ABCG5: variants seen among roughly 807,000 people sequenced by gnomAD.
ABCG5 encodes the protein ATP binding cassette subfamily G member 5.
A neutral mutation model predicts 64.5 loss-of-function variants in ABCG5; 64 were observed. That is an observed-to-expected ratio of 0.99 (90% CI 0.81 to 1.22). ABCG5 has a LOEUF of 1.22. Among genes scored for constraint, ABCG5 ranks in the 50% most tolerant of loss-of-function variants. The probability of loss-of-function intolerance (pLI) is 0.00; values close to 1 mark genes in which losing one functional copy is unlikely to be tolerated. For synonymous variants in ABCG5, 385 were observed against 326.3 expected (o/e 1.18, Z -1.94); for missense variants, 908 against 829.5 (o/e 1.09, Z -1.16).
At position 43,822,886 on chromosome 2, in the gene ABCG5, G is replaced by C. The variant is rs1558738919; in HGVS notation, c.1374C>G (p.Tyr458Ter). Reference protein sequence around the residue: ...VSDQESQDGLYQKWQMMLAYA... With the variant: ...VSDQESQDGL ...AGGCCAGCATCATCTGCCACTTCTGGTAGAGGCCGTCCTGACTCTCCTGGT... is the reference window on the plus strand; with the variant it reads ...AGGCCAGCATCATCTGCCACTTCTGCTAGAGGCCGTCCTGACTCTCCTGGT... The change falls in exon 10 of 13, where the codon TAC becomes TAG. Residue 458 changes from tyrosine to a stop codon, truncating the protein, a stop_gained. Coordinates refer to ENST00000405322, the MANE Select transcript of ABCG5 (RefSeq NM_022436.3). LOFTEE classifies it high-confidence loss of function. The C allele has an allele frequency of 2.5e-6, 4 of 1,614,006 alleles. No individual in the cohort carries two copies. Among genetic ancestry groups the C allele is most frequent in the Non-Finnish European group, 3.4e-6 (4 of 1,180,018 alleles).
chr2:43,828,889 C>T (rs1053271684), intron 4 of ABCG5, among the ~76,000 whole-genome samples: 2 of 136,828 alleles, frequency 1.5e-5, no homozygotes, highest in African/African-American at 2.6e-5. Flanking sequence ...TGCTTGAACC[C>T]GGGAGGCCAA....
At chr2:43,827,345 G>A (rs4245788) in intron 5 of ABCG5, among the ~76,000 whole-genome samples, 33,784 of 148,690 alleles carry the variant, frequency 0.23, 5,030 homozygotes, top group East Asian at 0.8. Flanking sequence ...AAAAAAAAGT[G>A]ACAAGAGCTG....
chr2:43,821,452 C>T (rs1864814), intron 10 of ABCG5, among the ~76,000 whole-genome samples: 5,485 of 152,236 alleles, frequency 0.036, 125 homozygotes, highest in South Asian at 0.061. Context: ...AAAATGGTTT[C>T]GCTCCCAGGA....
rs1667827328 is a variant in ABCG5 at position 43,829,317 on chromosome 2, CAT to C, written c.502-1204_502-1203del. Among the ~76,000 whole-genome samples, 3 of 152,310 alleles carry C rather than the reference CAT, an allele frequency of 2.0e-5. No homozygotes were observed. In the South Asian group the frequency reaches 6.2e-4, roughly 32 times the overall value. ...TCTCAGTGTGAGTCCACATCAAAGA[CAT>C]ATAATCCAGCCTTCAGAAGTAATTA... On this transcript the variant is annotated intron_variant, in intron 4 of 12. Transcript: ENST00000405322.
Position 43,824,963 on chromosome 2 carries a change from G to A in ABCG5, c.830C>T (p.Pro277Leu). The change falls in exon 7 of 13, where the codon CCA (proline) becomes CTA (leucine). Residue 277 changes from proline (P) to leucine (L), a missense_variant. By Grantham distance (98) the Pro-to-Leu change is moderately conservative (BLOSUM62 -3). Coordinates refer to ENST00000405322, the MANE Select transcript of ABCG5 (RefSeq NM_022436.3). Reference protein sequence around the residue: ...SFGELIFCGTPAEMLDFFNDC... With the variant: ...SFGELIFCGTLAEMLDFFNDC... ...ATTGAAGAAATCAAGCATTTCCGCT[G>A]GCGTGCCACAGAAAATCAGCTCTCC... 6.2e-7 allele frequency: 1 copy of A among 1,614,048 alleles called. No individual in the cohort carries two copies. Among genetic ancestry groups the A allele is most frequent in the African/African-American group, 1.3e-5 (1 of 75,064 alleles).
chr2:43,837,993 G>C (rs1404537467), intron 1 of ABCG5, 38 bp from the exon 2 acceptor site: 1 of 1,612,802 alleles, frequency 6.2e-7, no homozygotes, highest in Non-Finnish European at 8.5e-7. Flanking sequence ...GGCAGCTTGG[G>C]GCCCTGGAAG....
chr2:43,839,228 G>C, upstream of ABCG5: 1 of 1,197,348 alleles, frequency 8.4e-7, no homozygotes, highest in East Asian at 2.6e-5. Flanking sequence ...ACATCAAGCA[G>C]TGTGAGGACA....
chr2:43,816,139 T>C (rs990176878), intron 11 of ABCG5, among the ~76,000 whole-genome samples: 5 of 152,308 alleles, frequency 3.3e-5, no homozygotes, highest in African/African-American at 1.2e-4. Flanking sequence ...CAACATGATT[T>C]GGTGAGTGAT....
At chr2:43,821,374 T>A (rs1371653098) in intron 10 of ABCG5, among the ~76,000 whole-genome samples, 1 of 152,190 alleles carries the variant, frequency 6.6e-6, no homozygotes, top group Admixed American at 6.5e-5. Flanking sequence ...AATTAGCGAA[T>A]CTCAATTCCA....
downstream of ABCG5, among the ~76,000 whole-genome samples, chr2:43,808,669 A>G (rs192322090): frequency 1.3e-4 from 20 of 152,344 alleles, no homozygotes; most frequent in African/African-American, 4.8e-4. Flanking sequence ...TTCAAGAGCT[A>G]TAGATAGATG....
At position 43,838,322 on chromosome 2, in the gene ABCG5, G is replaced by A. The variant is rs1235714480; in HGVS notation, c.143+215C>T. On this transcript the variant is annotated intron_variant, in intron 1 of 12. Transcript: ENST00000405322. This position sits in a 1 kb window ranked among gnomAD's most constrained non-coding sequence, Gnocchi z 4.2. ...AGGGCACTGCTGCCACTTTGTTTAT[G>A]CCCAGGCCCTTCCCTGGGCAGGGGG... The A allele has an allele frequency of 6.5e-6, 4 of 615,644 alleles. No individual in the cohort carries two copies. The highest frequency in any genetic ancestry group is 1.1e-5 in the Non-Finnish European group (4 of 352,186). The allele number at this position is 615,644 out of a possible 1,614,324, so 38.1% of individuals were successfully genotyped here.
chr2:43,819,087 C>T (rs61701484), intron 11 of ABCG5, among the ~76,000 whole-genome samples: 268 of 152,180 alleles, frequency 1.8e-3, no homozygotes, highest in Non-Finnish European at 2.7e-3. Flanking sequence ...CACACATATA[C>T]TTTTATATAG....
intron 2 of ABCG5, among the ~76,000 whole-genome samples, chr2:43,835,394 A>T (rs1337695729): frequency 1.3e-5 from 2 of 152,214 alleles, no homozygotes; most frequent in Admixed American, 1.3e-4. Context: ...GCAACAGGTG[A>T]AAATTTGTTA....
downstream of ABCG5, among the ~76,000 whole-genome samples, chr2:43,812,021 C>G (rs114125808): frequency 8.8e-3 from 1,339 of 152,144 alleles, 24 homozygotes; most frequent in African/African-American, 0.031. Context: ...GTACCCTGTT[C>G]TTTGTAAACA....
At position 43,832,299 on chromosome 2, in the gene ABCG5, G is replaced by A. The variant is rs79319884; in HGVS notation, c.266-216C>T. The A allele has an allele frequency of 7.3e-3, 4,603 of 629,938 alleles. 163 individuals are homozygous for A. The African/African-American group carries it at 0.076, about 10-fold the overall frequency. 39.0% of individuals were successfully genotyped at this position (629,938 alleles called of 1,614,324 possible). A position where few individuals can be genotyped will look rare whatever the true frequency, so the allele number is the denominator to read the frequency against. On this transcript the variant is annotated intron_variant, in intron 2 of 12. Transcript: ENST00000405322. ...TCACGCGCAAGTGAGTCTCTGGATTGTCCCCTGAGTGAGAGGGGACATGCC... is the reference window on the plus strand; with the variant it reads ...TCACGCGCAAGTGAGTCTCTGGATTATCCCCTGAGTGAGAGGGGACATGCC...
Position 43,831,824 on chromosome 2 carries a change from T to C in ABCG5, c.446A>G (p.His149Arg). Residue 149 changes from histidine (H) to arginine (R), a missense_variant, in exon 4 of 13, where the codon CAC becomes CGC. His to Arg is a conservative substitution (Grantham distance 29). Transcript: ENST00000405322. ...GCGGATGGCCAGCAGCGCGGTGTAG[T>C]GCAGCGTCTCGCGCACGGTGAGGCT... ...LSSLTVRETL[H>R]YTALLAIRRG... 1 of 1,587,600 alleles carries C rather than the reference T, an allele frequency of 6.3e-7. No individual in the cohort carries two copies. Among genetic ancestry groups the C allele is most frequent in the Non-Finnish European group, 8.6e-7 (1 of 1,169,480 alleles).
intron 2 of ABCG5, among the ~76,000 whole-genome samples, chr2:43,833,372 T>TTATTATTAG (rs1668067538): frequency 7.5e-6 from 1 of 132,902 alleles, no homozygotes; most frequent in African/African-American, 2.7e-5. Flanking sequence ...AATATTATTA[T>TTATTATTAG]TATTATTATT....
Position 43,822,943 on chromosome 2 carries a change from T to C in ABCG5, c.1325-8A>G, listed in dbSNP as rs1667331562. Reference sequence around the variant, plus strand: ...CAGCTCGCAGCACGGGAACTGGGGATGGAAGGCAGGTTTCAGAACAGTCAG... The same window carrying C: ...CAGCTCGCAGCACGGGAACTGGGGACGGAAGGCAGGTTTCAGAACAGTCAG... On this transcript the variant is annotated splice_polypyrimidine_tract_variant and splice_region_variant and intron_variant, in intron 9 of 12. Transcript: ENST00000405322. The C allele has an allele frequency of 6.2e-7, 1 of 1,613,490 alleles. No individual in the cohort carries two copies. Among genetic ancestry groups the C allele is most frequent in the Non-Finnish European group, 8.5e-7 (1 of 1,179,816 alleles).
rs1418514573 is a variant in ABCG5, at chr2:43,822,419, C to T, written c.1463+378G>A. The T allele has an allele frequency of 4.2e-6, 3 of 708,062 alleles. No individual in the cohort carries two copies. The African/African-American group carries it at 5.9e-5, about 14-fold the overall frequency. 43.9% of individuals were successfully genotyped at this position (708,062 alleles called of 1,614,324 possible). On this transcript the variant is annotated intron_variant, in intron 10 of 12. Coordinates refer to ENST00000405322, the MANE Select transcript of ABCG5 (RefSeq NM_022436.3). ...TCTGTTGGTTGCTGTCCTCTTCCCA[C>T]CCTCTGAATGTGTCTGTTTTAAGGT...
Sources: allele counts gnomAD v4.1 joint callset (sites outside exome capture counted in the v4.1 genomes callset), GRCh38; gene constraint gnomAD v4.1.1; non-coding constraint Gnocchi (gnomAD v3.1); transcripts MANE v1.5; gene names NCBI Gene and HGNC (gene_info 2026-07-23, HGNC 2026-07-21).